SLC12A3: variants seen among roughly 807,000 people sequenced by gnomAD.
SLC12A3 encodes Na-Cl cotransporter.
Under a neutral mutation model 121.0 loss-of-function variants are expected in SLC12A3, and 104 were observed. The observed-to-expected ratio is 0.86, with a 90% CI of 0.73 to 1.01. The LOEUF (loss-of-function observed/expected upper bound fraction) is 1.01. SLC12A3 is among the 50% of genes least tolerant of loss of function. The pLI is 0.00. For missense variants in SLC12A3, 1,328 were observed against 1,356.3 expected, an observed-to-expected ratio of 0.98 and a Z score of 0.33; for synonymous variants, 536 against 533.4, an observed-to-expected ratio of 1.00 and a Z score of -0.07.
At position 56,879,626 on chromosome 16, in the gene SLC12A3, GT is replaced by G; in HGVS notation, c.1421del (p.Val474AlafsTer18). The G allele has an allele frequency of 6.2e-7, 1 of 1,613,460 alleles. No homozygotes were observed. Among genetic ancestry groups the G allele is most frequent in the East Asian group, 2.2e-5 (1 of 44,876 alleles). ...CCTCTCCTCTGCCCTGGCCTGCCTTGTCTCTGCTGCCAAAGTCTTCCAGGTG... is the reference window on the plus strand; with the variant it reads ...CCTCTCCTCTGCCCTGGCCTGCCTTGCTCTGCTGCCAAAGTCTTCCAGGTG... ...ATLSSALACL[V>X]SAAKVFQCLC... On this transcript the variant is annotated frameshift_variant, in exon 11 of 26. Transcript: ENST00000563236. LOFTEE classifies it high-confidence loss of function.
Position 56,870,102 on chromosome 16 carries a change from C to T in SLC12A3, c.608C>T (p.Thr203Ile). The change falls in exon 5 of 26, where the codon ACC becomes ATC. Residue 203 changes from threonine (T) to isoleucine (I), a missense_variant. Transcript: ENST00000563236. ...STNGKVKSGGTYFLISRSLGP... is the reference protein window; with the variant it reads ...STNGKVKSGGIYFLISRSLGP... ...CCCGGCTCTGCCCTGATAGGTGGCA[C>T]CTACTTCCTCATCTCCCGGAGTCTG... is the stretch of plus-strand genomic sequence containing the variant. 6.2e-7 allele frequency: 1 copy of T among 1,613,312 alleles called. No individual in the cohort carries two copies.
In SLC12A3 at chr16:56,911,413, C is replaced by T. The variant is rs140636869; in HGVS notation, c.2925-1851C>T. On this transcript the variant is annotated intron_variant, in intron 25 of 25. Transcript: ENST00000563236. The stretch of plus-strand genomic sequence containing the variant: ...CAATCATGCTCACTGCAGCCTCGAC[C>T]TCCCAGGCTCAAACGATCCTCCCGC... Among the ~76,000 whole-genome samples, 322 of 152,284 alleles carry T rather than the reference C, an allele frequency of 2.1e-3. 1 individual carries two copies. The highest frequency in any genetic ancestry group is 5.1e-3 in the Admixed American group (78 of 15,304).
chr16:56,865,422 G>A lies in SLC12A3; in HGVS notation c.187G>A (p.Val63Met), dbSNP rs773670898. ...CACCTTTGGCTACAACACGATCGATGTGGTGCCCACATATGAGCACTATGC... is the reference window on the plus strand; with the variant it reads ...CACCTTTGGCTACAACACGATCGATATGGTGCCCACATATGAGCACTATGC... ...MRTFGYNTID[V>M]VPTYEHYANS... Residue 63 changes from valine to methionine, a missense_variant, in exon 1 of 26, where the codon GTG becomes ATG. Val to Met is a conservative substitution (Grantham distance 21). Transcript: ENST00000563236. 185 of 1,614,090 alleles carry A rather than the reference G, an allele frequency of 1.1e-4. No homozygotes were observed. The highest frequency in any genetic ancestry group is 1.6e-4 in the Middle Eastern group (1 of 6,084).
At chr16:56,886,312 C>A (rs1255047574) in intron 15 of SLC12A3, 52 bp from the exon 16 acceptor site, 11 of 1,372,114 alleles carry the variant, frequency 8.0e-6, no homozygotes, top group Non-Finnish European at 1.1e-5. Flanking sequence ...CGCACCCAGA[C>A]CCCCGTGGGC....
At position 56,870,649 on chromosome 16, in the gene SLC12A3, C is replaced by T. The variant is rs528466329; in HGVS notation, c.765C>T (p.Asp255=). The T allele has an allele frequency of 1.9e-6, 3 of 1,612,600 alleles. No individual in the cohort carries two copies. Among genetic ancestry groups the T allele is most frequent in the African/African-American group, 2.7e-5 (2 of 74,876 alleles). Reference sequence around the variant, plus strand: ...AGGAGTATGGGGCACCCATCGTGGACCCCATTAACGACATCCGCATCATTG... The same window carrying T: ...AGGAGTATGGGGCACCCATCGTGGATCCCATTAACGACATCCGCATCATTG... ...LLQEYGAPIV[D]PINDIRIIAV... The change falls in exon 6 of 26, where the codon GAC becomes GAT. Residue 255 remains aspartate, a synonymous_variant. Transcript: ENST00000563236.
chr16:56,909,477 T>C (rs1243717434), intron 25 of SLC12A3, among the ~76,000 whole-genome samples: 1 of 127,074 alleles, frequency 7.9e-6, no homozygotes, highest in Non-Finnish European at 1.6e-5. Flanking sequence ...CCACCAGCCT[T>C]TGTGGGATTT....
chr16:56,867,833 T>C (rs1403605741), intron 2 of SLC12A3, among the ~76,000 whole-genome samples: 1 of 152,184 alleles, frequency 6.6e-6, no homozygotes, highest in Non-Finnish European at 1.5e-5. Flanking sequence ...TCAGCCTCCA[T>C]CTCGGCCTCT....
chr16:56,872,290 G>T, intron 6 of SLC12A3, 61 bp from the exon 7 acceptor site: 3 of 1,189,146 alleles, frequency 2.5e-6, no homozygotes. Flanking sequence ...ATTTTCTGGC[G>T]GGGCTTCCCA....
chr16:56,887,243 C>T lies in SLC12A3; in HGVS notation c.2178+150C>T, dbSNP rs183864612. On this transcript the variant is annotated intron_variant, in intron 17 of 25. Transcript: ENST00000563236. ...TTTTGAGACTTGTTTTACTTGTCACCCAGGCTGGAGTGCAATGGTGTGATG... is the reference window on the plus strand; with the variant it reads ...TTTTGAGACTTGTTTTACTTGTCACTCAGGCTGGAGTGCAATGGTGTGATG... 32 of 918,126 alleles carry T rather than the reference C, an allele frequency of 3.5e-5. No individual in the cohort carries two copies. In the African/African-American group the frequency reaches 4.3e-4, roughly 12 times the overall value. The allele number at this position is 918,126 out of a possible 1,614,324, so 56.9% of individuals were successfully genotyped here. A position where few individuals can be genotyped will look rare whatever the true frequency, so the allele number is the denominator to read the frequency against.
chr16:56,892,217 G>A, intron 20 of SLC12A3, 84 bp downstream of exon 20: 2 of 1,269,070 alleles, frequency 1.6e-6, no homozygotes, highest in Non-Finnish European at 2.3e-6. Context: ...GGCTAGGGGT[G>A]GGCCACTTGG....
At chr16:56,865,575 C>T (rs1231456879) in intron 1 of SLC12A3, 58 bp downstream of exon 1, 1 of 1,566,868 alleles carries the variant, frequency 6.4e-7, no homozygotes, top group African/African-American at 1.3e-5. Context: ...GACCCAGCTA[C>T]CTAACCTCTC....
intron 22 of SLC12A3, among the ~76,000 whole-genome samples, chr16:56,898,208 T>TG (rs1489755516): frequency 6.6e-6 from 1 of 152,140 alleles, no homozygotes; most frequent in African/African-American, 2.4e-5. Context: ...GGCAAGGGGT[T>TG]GGGGGGAGGG....
intron 15 of SLC12A3, among the ~76,000 whole-genome samples, chr16:56,885,819 C>A (rs574345202): frequency 1.4e-4 from 21 of 152,288 alleles, no homozygotes; most frequent in Non-Finnish European, 2.5e-4. Flanking sequence ...TTGCAAAGTG[C>A]CTTACACAGC....
At position 56,886,396 on chromosome 16, in the gene SLC12A3, A is replaced by G; in HGVS notation, c.1958A>G (p.Asn653Ser). 3 of 1,613,796 alleles carry G rather than the reference A, an allele frequency of 1.9e-6. No homozygotes were observed. The highest frequency in any genetic ancestry group is 1.3e-5 in the African/African-American group (1 of 74,960). Residue 653 changes from asparagine (N) to serine (S), a missense_variant, in exon 16 of 26, where the codon AAC becomes AGC. Coordinates refer to ENST00000563236, the MANE Select transcript of SLC12A3 (RefSeq NM_001126108.2). Reference protein sequence around the residue: ...PQCLVLTGPPNFRPALVDFVG... With the variant: ...PQCLVLTGPPSFRPALVDFVG... ...TGCCTGGTGCTCACGGGGCCCCCCA[A>G]CTTCCGCCCGGCCCTGGTGGACTTT...
intron 14 of SLC12A3, among the ~76,000 whole-genome samples, chr16:56,885,053 C>T (rs2055291525): frequency 1.3e-5 from 2 of 152,194 alleles, no homozygotes; most frequent in South Asian, 4.1e-4. Flanking sequence ...AGGTGTGAGC[C>T]ACCGTGCCTG....
chr16:56,871,001 ATTT>A (rs774469742), intron 6 of SLC12A3, among the ~76,000 whole-genome samples: 1 of 151,930 alleles, frequency 6.6e-6, no homozygotes, highest in Non-Finnish European at 1.5e-5. Context: ...CACCTGGCTA[ATTT>A]TTATATTGTT....
At chr16:56,906,646 T>C (rs1180023102) in intron 25 of SLC12A3, 4 of 397,930 alleles carry the variant, frequency 1.0e-5, no homozygotes, top group Non-Finnish European at 1.8e-5. Context: ...GTACCTAAGA[T>C]AGAAATTCAG....
chr16:56,901,230 G>T (rs2055533524), intron 23 of SLC12A3, among the ~76,000 whole-genome samples: 1 of 152,094 alleles, frequency 6.6e-6, no homozygotes, highest in Admixed American at 6.6e-5. Context: ...CATCCTTGGG[G>T]TTTGGCCCTG....
intron 8 of SLC12A3, among the ~76,000 whole-genome samples, chr16:56,875,784 A>G (rs2055157394): frequency 1.4e-5 from 2 of 142,448 alleles, no homozygotes; most frequent in South Asian, 5.1e-4. Context: ...GATGTGCCTA[A>G]CGTTGTTAAA....
Sources: gnomAD v4.1 joint callset for allele counts (sites outside exome capture counted in the v4.1 genomes callset) on GRCh38, gnomAD v4.1.1 for gene constraint, MANE v1.5 for transcripts, NCBI Gene and HGNC (gene_info 2026-07-23, HGNC 2026-07-21) for gene names.